The following GRIN2A variants were observed in gnomAD, a reference collection of about 807,000 sequenced individuals.
GRIN2A encodes glutamate ionotropic receptor NMDA type subunit 2A.
A neutral mutation model predicts 113.4 loss-of-function variants in GRIN2A; 22 were observed. The ratio of observed to expected loss-of-function variants is 0.19; its 90% CI spans 0.14 to 0.28. GRIN2A has a LOEUF of 0.28. Among genes scored for constraint, GRIN2A ranks in the 10% least tolerant of loss-of-function variants. GRIN2A has a pLI of 1.00. For synonymous variants in GRIN2A, 827 were observed against 738.4 expected, an observed-to-expected ratio of 1.12 and a Z score of -1.94; for missense variants, 1,502 against 1,887.0, an observed-to-expected ratio of 0.80 and a Z score of 3.78.
chr16:9,768,015 G>C (rs1901024825), intron 12 of GRIN2A, among the ~76,000 whole-genome samples: 1 of 152,140 alleles, frequency 6.6e-6, no homozygotes, highest in Non-Finnish European at 1.5e-5. Context: ...CCACAGGCTG[G>C]CTCTGTCTGG....
At chr16:10,015,055 A>G (rs1267436202) in intron 2 of GRIN2A, among the ~76,000 whole-genome samples, 3 of 151,914 alleles carry the variant, frequency 2.0e-5, no homozygotes, top group Non-Finnish European at 4.4e-5. Flanking sequence ...GGAGTTCGGG[A>G]CCAGCCTGGC....
At chr16:9,990,487 T>C (rs1041321895) in intron 2 of GRIN2A, among the ~76,000 whole-genome samples, 1 of 151,838 alleles carries the variant, frequency 6.6e-6, no homozygotes, top group Admixed American at 6.6e-5. Flanking sequence ...ACTTCAGCAT[T>C]ACATAATATG....
chr16:10,112,791 T>C (rs2048644494), intron 2 of GRIN2A: 3 of 694,454 alleles, frequency 4.3e-6, no homozygotes, highest in Admixed American at 3.5e-5. Context: ...CATGATGTAC[T>C]CAGGAGAGCT....
chr16:10,180,823 A>C lies in GRIN2A; in HGVS notation c.-18-394T>G. Reference sequence around the variant, plus strand: ...CCTAGGTGCACAGAATAAACCCTCCATCCAACCCCTCCCACCTGGGATAGA... The same window carrying C: ...CCTAGGTGCACAGAATAAACCCTCCCTCCAACCCCTCCCACCTGGGATAGA... On this transcript the variant is annotated intron_variant, in intron 1 of 12. Transcript: ENST00000330684. This position sits in a 1 kb window ranked among gnomAD's most constrained non-coding sequence, Gnocchi z 7.0. 11 of 268,182 alleles carry C rather than the reference A, an allele frequency of 4.1e-5. No individual in the cohort carries two copies. Among genetic ancestry groups the C allele is most frequent in the Admixed American group, 5.1e-5 (1 of 19,650 alleles). The allele number at this position is 268,182 out of a possible 1,614,324, so 16.6% of individuals were successfully genotyped here. A position where few individuals can be genotyped will look rare whatever the true frequency, so the allele number is the denominator to read the frequency against.
chr16:9,893,930 A>G (rs1303433808), intron 3 of GRIN2A, among the ~76,000 whole-genome samples: 1 of 152,180 alleles, frequency 6.6e-6, no homozygotes, highest in African/African-American at 2.4e-5. Context: ...TCTTACCCAC[A>G]TTCTTATAAT....
At chr16:9,849,222 TATA>T (rs540238528) in intron 5 of GRIN2A, among the ~76,000 whole-genome samples, 198 of 144,588 alleles carry the variant, frequency 1.4e-3, no homozygotes, top group African/African-American at 3.9e-3. Context: ...TATATTTATA[TATA>T]ATGTTTTATA....
At chr16:9,911,907 C>A (rs2044147371) in intron 3 of GRIN2A, among the ~76,000 whole-genome samples, 5 of 152,162 alleles carry the variant, frequency 3.3e-5, no homozygotes, top group Admixed American at 2.6e-4. Flanking sequence ...GGGTGAGAGG[C>A]ATTAAGGTAT....
At chr16:10,171,812 T>C (rs905777782) in intron 2 of GRIN2A, among the ~76,000 whole-genome samples, 1 of 152,238 alleles carries the variant, frequency 6.6e-6, no homozygotes, top group Non-Finnish European at 1.5e-5. Flanking sequence ...ATATCCATGA[T>C]GTCATTTAAA....
intron 2 of GRIN2A, among the ~76,000 whole-genome samples, chr16:10,109,635 A>AG (rs892585563): frequency 6.6e-6 from 1 of 151,782 alleles, no homozygotes; most frequent in Admixed American, 6.6e-5. Context: ...CAGATTACAA[A>AG]AAAAAAAAAA....
intron 2 of GRIN2A, among the ~76,000 whole-genome samples, chr16:10,165,888 T>C (rs1470750541): frequency 1.3e-5 from 2 of 152,130 alleles, no homozygotes; most frequent in African/African-American, 2.4e-5. Flanking sequence ...AATTTGTTTT[T>C]AACTAAAGTG....
intron 2 of GRIN2A, among the ~76,000 whole-genome samples, chr16:10,157,700 C>G (rs1188208344): frequency 6.6e-6 from 1 of 152,164 alleles, no homozygotes; most frequent in Non-Finnish European, 1.5e-5. Flanking sequence ...ATGGGGGAAA[C>G]AGCCCCCACG....
intron 2 of GRIN2A, among the ~76,000 whole-genome samples, chr16:10,169,260 T>TCCATTG (rs2049989269): frequency 6.6e-6 from 1 of 152,202 alleles, no homozygotes; most frequent in South Asian, 2.1e-4. Flanking sequence ...TCTTTAGATA[T>TCCATTG]CACTCCTCGG....
intron 2 of GRIN2A, among the ~76,000 whole-genome samples, chr16:10,149,104 G>A (rs763213811): frequency 7.9e-5 from 12 of 152,122 alleles, no homozygotes; most frequent in Non-Finnish European, 1.3e-4. Flanking sequence ...CAGGGAATAG[G>A]GATGGTTAAT....
In GRIN2A at chr16:9,763,668, G is replaced by A. The variant is rs749688882; in HGVS notation, c.3876C>T (p.Tyr1292=). The stretch of plus-strand genomic sequence containing the variant: ...CCCTAGGTTTGTCGACAATGTTATC[G>A]TAGGAATGCTGACGGCTAATCCTTA... ...NKLRISRQHS[Y]DNIVDKPREL... Residue 1292 remains tyrosine (Y), a synonymous_variant, in exon 13 of 13, where the codon TAC becomes TAT. Transcript: ENST00000330684. 3.7e-6 allele frequency: 6 copies of A among 1,613,492 alleles called. No homozygotes were observed. Among genetic ancestry groups the A allele is most frequent in the South Asian group, 2.2e-5 (2 of 91,080 alleles).
intron 2 of GRIN2A, among the ~76,000 whole-genome samples, chr16:10,138,534 G>A (rs1203498834): frequency 6.6e-6 from 1 of 152,084 alleles, no homozygotes; most frequent in African/African-American, 2.4e-5. Context: ...AGAACAGCAA[G>A]GGGAAAATCC....
Position 9,755,357 on chromosome 16 carries a change from A to G in GRIN2A, c.*7792T>C, listed in dbSNP as rs1477937890. The stretch of plus-strand genomic sequence containing the variant: ...CCATTTCTGCATAGCTCAACATTCC[A>G]AGGAGAACATGGTCACGCACTTGTA... On this transcript the variant is annotated 3_prime_UTR_variant, in exon 13 of 13. Coordinates refer to ENST00000330684, the MANE Select transcript of GRIN2A (RefSeq NM_001134407.3). 1 of 187,154 alleles carries G rather than the reference A, an allele frequency of 5.3e-6. No homozygotes were observed. Among genetic ancestry groups the G allele is most frequent in the African/African-American group, 2.3e-5 (1 of 42,750 alleles). The allele number at this position is 187,154 out of a possible 1,614,324, so 11.6% of individuals were successfully genotyped here.
rs535246414 is a variant in GRIN2A, at chr16:9,822,524, G to C, written c.2008-100C>G. Reference sequence around the variant, plus strand: ...TAATAAATTAGTGATCATTTTGTCTGGTGTTAGGAGGTAAATGCATGCATT... The same window carrying C: ...TAATAAATTAGTGATCATTTTGTCTCGTGTTAGGAGGTAAATGCATGCATT... On this transcript the variant is annotated intron_variant, in intron 9 of 12. Transcript: ENST00000330684. 1.6e-4 allele frequency: 133 copies of C among 814,842 alleles called. 3 individuals carry two copies. In the South Asian group the frequency reaches 1.8e-3, roughly 11 times the overall value. The allele number at this position is 814,842 out of a possible 1,614,324, so 50.5% of individuals were successfully genotyped here.
chr16:10,028,381 ACT>A (rs1376267334), intron 2 of GRIN2A, among the ~76,000 whole-genome samples: 3 of 152,176 alleles, frequency 2.0e-5, no homozygotes, highest in African/African-American at 7.2e-5. Flanking sequence ...ACAGTGTGGC[ACT>A]GTCGCTGGGA....
chr16:9,906,855 G>C (rs889019066), intron 3 of GRIN2A, among the ~76,000 whole-genome samples: 3 of 152,106 alleles, frequency 2.0e-5, no homozygotes, highest in Non-Finnish European at 2.9e-5. Flanking sequence ...GTTTTGTTTT[G>C]TTTTCAAGAT....
Sources: gnomAD v4.1 joint callset for allele counts (sites outside exome capture counted in the v4.1 genomes callset) on GRCh38, gnomAD v4.1.1 for gene constraint, Gnocchi (gnomAD v3.1) non-coding constraint, MANE v1.5 for transcripts, NCBI Gene and HGNC (gene_info 2026-07-23, HGNC 2026-07-21) for gene names.